SLC37A1: variants seen among roughly 807,000 people sequenced by gnomAD.
SLC37A1 encodes glucose-6-phosphate exchanger SLC37A1.
A neutral mutation model predicts 75.3 loss-of-function variants in SLC37A1; 49 were observed. The ratio of observed to expected loss-of-function variants is 0.65; its 90% CI spans 0.52 to 0.83. The LOEUF (loss-of-function observed/expected upper bound fraction) is 0.83, where lower values mean the gene tolerates loss of function less well. Among genes scored for constraint, SLC37A1 ranks in the 40% least tolerant of loss-of-function variants. The pLI is 0.00. For synonymous variants in SLC37A1, 268 were observed against 292.1 expected (o/e 0.92, Z 0.84); for missense variants, 566 against 695.0 (o/e 0.81, Z 2.09).
Position 42,545,675 on chromosome 21 carries a change from AG to A in SLC37A1, c.731-1424del, listed in dbSNP as rs1289245643. ...GTGAAAGTCCAGGAAGAGCCATATC[AG>A]GGGAAGCCCCTGGCTTACCCCTGGG... is the stretch of plus-strand genomic sequence containing the variant. On this transcript the variant is annotated intron_variant, in intron 8 of 19. Coordinates refer to ENST00000352133, the MANE Select transcript of SLC37A1 (RefSeq NM_001320537.2). The surrounding 1 kb of genome is among the most constrained non-coding windows in gnomAD (Gnocchi z 4.0). Among the ~76,000 whole-genome samples, 2 of 152,238 alleles carry A rather than the reference AG, an allele frequency of 1.3e-5. No individual in the cohort carries two copies. The highest frequency in any genetic ancestry group is 2.9e-5 in the Non-Finnish European group (2 of 68,036).
chr21:42,541,222 G>C (rs1434099447), intron 6 of SLC37A1, among the ~76,000 whole-genome samples: 1 of 152,246 alleles, frequency 6.6e-6, no homozygotes, highest in Non-Finnish European at 1.5e-5. Context: ...ACAGGAGGTG[G>C]AGCTCAGGCG....
chr21:42,541,221 G>A (rs2055274403), intron 6 of SLC37A1, among the ~76,000 whole-genome samples: 1 of 152,240 alleles, frequency 6.6e-6, no homozygotes, highest in African/African-American at 2.4e-5. Flanking sequence ...GACAGGAGGT[G>A]GAGCTCAGGC....
In SLC37A1 at chr21:42,580,567, G is replaced by A. The variant is rs1569053559; in HGVS notation, c.*207G>A. On this transcript the variant is annotated 3_prime_UTR_variant, in exon 20 of 20. Transcript: ENST00000352133. The stretch of plus-strand genomic sequence containing the variant: ...TGCTGAACAGCAGTGAGAAAAGTCT[G>A]CAGGAACTGCTGCCTGAGCCAAGCC... The A allele has an allele frequency of 1.7e-6, 1 of 589,740 alleles. No homozygotes were observed. Among genetic ancestry groups the A allele is most frequent in the Non-Finnish European group, 2.9e-6 (1 of 341,848 alleles). The allele number at this position is 589,740 out of a possible 1,614,324, so 36.5% of individuals were successfully genotyped here.
At chr21:42,566,951 A>G (rs1428552917) in intron 15 of SLC37A1, 34 bp from the exon 16 acceptor site, 1 of 1,594,926 alleles carries the variant, frequency 6.3e-7, no homozygotes. Context: ...TCTGGAGGGC[A>G]CATTTCCATT....
At chr21:42,563,571 G>A (rs1252169873) in intron 12 of SLC37A1, among the ~76,000 whole-genome samples, 1 of 152,240 alleles carries the variant, frequency 6.6e-6, no homozygotes, top group Non-Finnish European at 1.5e-5. Context: ...CCCTGGGGGG[G>A]TCTCTGAACC....
intron 19 of SLC37A1, 55 bp downstream of exon 19, chr21:42,579,855 T>A: frequency 6.4e-7 from 1 of 1,556,678 alleles, no homozygotes; most frequent in Non-Finnish European, 8.8e-7. Context: ...CAAAGTGCCT[T>A]CTGTCCTATC....
intron 10 of SLC37A1, among the ~76,000 whole-genome samples, chr21:42,554,504 G>A (rs2055634743): frequency 6.6e-6 from 1 of 152,186 alleles, no homozygotes; most frequent in African/African-American, 2.4e-5. Flanking sequence ...CTGGCCTTGG[G>A]AGGCTTCCCT....
chr21:42,563,603 A>G (rs947551103), intron 12 of SLC37A1, among the ~76,000 whole-genome samples: 2 of 152,206 alleles, frequency 1.3e-5, no homozygotes, highest in Admixed American at 6.5e-5. Context: ...AATTAGACTG[A>G]GCAGAGGAAA....
chr21:42,547,108 A>G lies in SLC37A1; in HGVS notation c.736A>G (p.Asn246Asp), dbSNP rs912376421. The G allele has an allele frequency of 3.7e-6, 6 of 1,614,012 alleles. No individual in the cohort carries two copies. The highest frequency in any genetic ancestry group is 5.1e-6 in the Non-Finnish European group (6 of 1,180,028). The stretch of plus-strand genomic sequence containing the variant: ...ACTCATGTTTGCTCTTTCAGATCCG[A>G]ACGACGTCAGGTGCTCCTCCACCCT... Reference protein sequence around the residue: ...VCFLFLIEHPNDVRCSSTLVT... With the variant: ...VCFLFLIEHPDDVRCSSTLVT... Residue 246 changes from asparagine to aspartate, a missense_variant, in exon 9 of 20, where the codon AAC (asparagine) becomes GAC (aspartate). Physicochemically the swap from Asn to Asp is conservative, Grantham distance 23. Transcript: ENST00000352133. The surrounding 1 kb of genome is among the most constrained non-coding windows in gnomAD (Gnocchi z 6.1).
chr21:42,521,059 C>A (rs1227033321), intron 2 of SLC37A1, among the ~76,000 whole-genome samples: 2 of 152,216 alleles, frequency 1.3e-5, no homozygotes, highest in Non-Finnish European at 2.9e-5. Context: ...GGATGTGGAG[C>A]CGCTGCAGGG....
At chr21:42,515,068 T>G (rs555747270) in intron 1 of SLC37A1, 44 of 152,362 alleles carry the variant, frequency 2.9e-4, no homozygotes, top group African/African-American at 9.9e-4. Context: ...ACGTTCTGTT[T>G]CATGCAGCCC....
At chr21:42,530,637 CACACACACACACACA>C (rs1442580150) in intron 3 of SLC37A1, among the ~76,000 whole-genome samples, 3 of 36,556 alleles carry the variant, frequency 8.2e-5, no homozygotes, top group South Asian at 7.0e-4. Flanking sequence ...CACACACACA[CACACACACACACACA>C]CACCCCCTCT....
intron 9 of SLC37A1, among the ~76,000 whole-genome samples, chr21:42,549,977 C>G (rs940579461): frequency 6.6e-6 from 1 of 152,210 alleles, no homozygotes; most frequent in South Asian, 2.1e-4. Flanking sequence ...AACGCCCCTT[C>G]TAATACTATC....
chr21:42,530,900 C>A lies in SLC37A1; in HGVS notation c.139-3798C>A, dbSNP rs201801243. 1.6e-4 allele frequency among the ~76,000 whole-genome samples: 25 copies of A among 152,318 alleles called. No individual in the cohort carries two copies. In the East Asian group the frequency reaches 2.5e-3, roughly 15 times the overall value. Reference sequence around the variant, plus strand: ...TGGGGCTGAGAACCCAGGGCCACTTCTGTCTGCGAAGTGGCTCAAATTCAG... The same window carrying A: ...TGGGGCTGAGAACCCAGGGCCACTTATGTCTGCGAAGTGGCTCAAATTCAG... On this transcript the variant is annotated intron_variant, in intron 3 of 19. Transcript: ENST00000352133.
At position 42,569,631 on chromosome 21, in the gene SLC37A1, C is replaced by G. The variant is rs571925550; in HGVS notation, c.1423+1193C>G. On this transcript the variant is annotated intron_variant, in intron 17 of 19. Transcript: ENST00000352133. ...TCCTGGGACCACCCTGCTGAGAACGCGTGAACCCTTCCGACTCGGCCTCCA... is the reference window on the plus strand; with the variant it reads ...TCCTGGGACCACCCTGCTGAGAACGGGTGAACCCTTCCGACTCGGCCTCCA... Among the ~76,000 whole-genome samples the G allele has an allele frequency of 4.6e-5, 7 of 152,350 alleles. No individual in the cohort carries two copies. In the South Asian group the frequency reaches 1.4e-3, roughly 32 times the overall value.
Position 42,514,933 on chromosome 21 carries a change from TGTG to T in SLC37A1, c.-179+217_-179+219del, listed in dbSNP as rs1414469370. 2 of 152,420 alleles carry T rather than the reference TGTG, an allele frequency of 1.3e-5. No individual in the cohort carries two copies. Among genetic ancestry groups the T allele is most frequent in the African/African-American group, 4.8e-5 (2 of 41,472 alleles). The allele number at this position is 152,420 out of a possible 1,614,324, so 9.4% of individuals were successfully genotyped here. On this transcript the variant is annotated intron_variant, in intron 1 of 19. Transcript: ENST00000352133. This position sits in a 1 kb window ranked among gnomAD's most constrained non-coding sequence, Gnocchi z 4.8. ...CCCTTGAACTTAAATCGTCTGAAGTTGTGTAAGTGGATAAATATTTTAGACTTC... is the reference window on the plus strand; with the variant it reads ...CCCTTGAACTTAAATCGTCTGAAGTTTAAGTGGATAAATATTTTAGACTTC...
intron 14 of SLC37A1, among the ~76,000 whole-genome samples, chr21:42,565,446 C>T (rs1452694802): frequency 6.6e-6 from 1 of 152,238 alleles, no homozygotes; most frequent in African/African-American, 2.4e-5. Context: ...TGAAGAAATG[C>T]TTGGGTGGGC....
At chr21:42,528,325 G>A (rs73905679) in intron 3 of SLC37A1, among the ~76,000 whole-genome samples, 4,585 of 152,262 alleles carry the variant, frequency 0.03, 214 homozygotes, top group African/African-American at 0.1. Flanking sequence ...CAAGGCAAGC[G>A]TCTGCCCAAG....
intron 17 of SLC37A1, among the ~76,000 whole-genome samples, chr21:42,574,040 C>G (rs746407720): frequency 4.6e-5 from 7 of 152,266 alleles, no homozygotes; most frequent in Non-Finnish European, 8.8e-5. Context: ...CACACATGCA[C>G]ACACACATAT....
Sources: allele counts gnomAD v4.1 joint callset (sites outside exome capture counted in the v4.1 genomes callset), GRCh38; gene constraint gnomAD v4.1.1; non-coding constraint Gnocchi (gnomAD v3.1); transcripts MANE v1.5; gene names NCBI Gene and HGNC (gene_info 2026-07-23, HGNC 2026-07-21).